DSG2: variants seen among roughly 807,000 people sequenced by gnomAD.
DSG2 encodes desmoglein-2.
Under a neutral mutation model 75.6 loss-of-function variants are expected in DSG2, and 45 were observed. The observed-to-expected ratio is 0.60, with a 90% confidence interval of 0.47 to 0.76. The LOEUF is 0.76. Ranked by LOEUF, DSG2 falls within the 30% of genes least tolerant of loss-of-function variation. The pLI is 0.00. For missense variants in DSG2, 1,267 were observed against 1,357.4 expected, an observed-to-expected ratio of 0.93 and a Z score of 1.05; for synonymous variants, 429 against 483.9, an observed-to-expected ratio of 0.89 and a Z score of 1.49.
chr18:31,514,642 T>C (rs573257043), intron 1 of DSG2, among the ~76,000 whole-genome samples: 2 of 152,334 alleles, frequency 1.3e-5, no homozygotes, highest in South Asian at 2.1e-4. Context: ...ACAACATTGC[T>C]ATCATCTGAA....
intron 1 of DSG2, among the ~76,000 whole-genome samples, chr18:31,506,718 A>T (rs1473092032): frequency 6.6e-6 from 1 of 152,226 alleles, no homozygotes; most frequent in Non-Finnish European, 1.5e-5. Flanking sequence ...GAAGTCTGTT[A>T]TACAGCTTTA....
intron 1 of DSG2, among the ~76,000 whole-genome samples, chr18:31,514,457 T>C (rs2073083020): frequency 6.6e-6 from 1 of 152,222 alleles, no homozygotes; most frequent in South Asian, 2.1e-4. Flanking sequence ...ATATATTTTA[T>C]GAGTTTCTGC....
At chr18:31,533,792 G>A (rs1383032812) in intron 9 of DSG2, among the ~76,000 whole-genome samples, 1 of 152,058 alleles carries the variant, frequency 6.6e-6, no homozygotes, top group African/African-American at 2.4e-5. Context: ...TAGTTCAAGT[G>A]TATAATTGGA....
intron 6 of DSG2, among the ~76,000 whole-genome samples, 187 bp from the exon 7 acceptor site, chr18:31,524,261 G>A (rs2073147208): frequency 6.6e-6 from 1 of 152,186 alleles, no homozygotes; most frequent in Non-Finnish European, 1.5e-5. Context: ...AACTCCCGAG[G>A]CTTTTCTGTT....
At chr18:31,538,470 CCAGTGTATAGAA>C (rs1299122458) in intron 11 of DSG2, among the ~76,000 whole-genome samples, 1 of 151,966 alleles carries the variant, frequency 6.6e-6, no homozygotes, top group African/African-American at 2.4e-5. Context: ...CACTGTATTC[CCAGTGTATAGAA>C]CAGTTCCTAG....
At chr18:31,519,329 G>A (rs556736002) in intron 2 of DSG2, among the ~76,000 whole-genome samples, 76 of 152,214 alleles carry the variant, frequency 5.0e-4, no homozygotes, top group Admixed American at 2.7e-3. Context: ...GACTGAGGCG[G>A]GCGGATTGCT....
intron 9 of DSG2, among the ~76,000 whole-genome samples, chr18:31,533,888 TTTGA>T (rs2073212341): frequency 1.3e-5 from 2 of 152,314 alleles, no homozygotes; most frequent in Admixed American, 1.3e-4. Flanking sequence ...AAATTAACAA[TTTGA>T]TTGAGCAAAC....
intron 1 of DSG2, among the ~76,000 whole-genome samples, chr18:31,509,490 A>G (rs1489335294): frequency 6.6e-6 from 1 of 151,974 alleles, no homozygotes; most frequent in African/African-American, 2.4e-5. Flanking sequence ...TCAGCTGTTG[A>G]GTGAGACTGC....
intron 1 of DSG2, among the ~76,000 whole-genome samples, chr18:31,501,673 C>T (rs1003541576): frequency 1.3e-5 from 2 of 152,188 alleles, no homozygotes; most frequent in Non-Finnish European, 2.9e-5. Context: ...CATCTTCCCT[C>T]TGTGCATGTC....
intron 8 of DSG2, among the ~76,000 whole-genome samples, chr18:31,528,530 G>A (rs944816972): frequency 6.6e-6 from 1 of 152,000 alleles, no homozygotes; most frequent in Non-Finnish European, 1.5e-5. Flanking sequence ...TGGGCAACAT[G>A]GTGAAACCCT....
chr18:31,539,129 G>T lies in DSG2; in HGVS notation c.1879+151G>T, dbSNP rs2073250668. 13 of 771,778 alleles carry T rather than the reference G, an allele frequency of 1.7e-5. No homozygotes were observed. In the South Asian group the frequency reaches 1.9e-4, roughly 11 times the overall value. 47.8% of individuals were successfully genotyped at this position (771,778 alleles called of 1,614,324 possible). On this transcript the variant is annotated intron_variant, in intron 12 of 14. Transcript: ENST00000261590. ...TGAATAGGGAAACAACTGATGATTG[G>T]CAAATCACCAAAGCATAATATAAGA...
At chr18:31,504,138 C>T (rs1198139420) in intron 1 of DSG2, among the ~76,000 whole-genome samples, 2 of 152,156 alleles carry the variant, frequency 1.3e-5, no homozygotes, top group South Asian at 2.1e-4. Context: ...CCAGGTCTCA[C>T]CTCGAAATCA....
rs794728098 is a variant in DSG2, at chr18:31,545,753, TCA to T, written c.2372_2373del (p.Thr791SerfsTer14). ...AASYTEEDENHTAKDCLLVYS... is the reference protein window; with the variant it reads ...AASYTEEDENXTAKDCLLVYS... ...CCTCTTACACTGAGGAAGATGAAAA[TCA>T]CACAGCCAAAGATTGCCTTCTGGTT... On this transcript the variant is annotated frameshift_variant, in exon 15 of 15. Coordinates refer to ENST00000261590, the MANE Select transcript of DSG2 (RefSeq NM_001943.5). LOFTEE classifies it low-confidence loss of function (END_TRUNC). 1.2e-6 allele frequency: 2 copies of T among 1,614,106 alleles called. No homozygotes were observed. Among genetic ancestry groups the T allele is most frequent in the Non-Finnish European group, 1.7e-6 (2 of 1,180,024 alleles).
At position 31,535,361 on chromosome 18, in the gene DSG2, A is replaced by G; in HGVS notation, c.1372A>G (p.Arg458Gly). 6.2e-7 allele frequency: 1 copy of G among 1,611,846 alleles called. No homozygotes were observed. The highest frequency in any genetic ancestry group is 8.5e-7 in the Non-Finnish European group (1 of 1,178,332). The change falls in exon 10 of 15, where the codon AGA becomes GGA. Residue 458 changes from arginine (R) to glycine (G), a missense_variant. Arg to Gly is a moderately radical substitution (Grantham distance 125, BLOSUM62 -2). Transcript: ENST00000261590. Reference protein sequence around the residue: ...KLAKLPDFESRYVQNGTYTVK... With the variant: ...KLAKLPDFESGYVQNGTYTVK... ...TGCAAAACTTCCTGATTTTGAATCT[A>G]GATATGTTCAAAATGGCACATACAC...
chr18:31,519,041 T>C (rs913713378), intron 2 of DSG2, among the ~76,000 whole-genome samples: 37 of 152,208 alleles, frequency 2.4e-4, no homozygotes, highest in African/African-American at 8.7e-4. Flanking sequence ...TTAGTCAAGT[T>C]TATATCAATA....
chr18:31,530,130 G>A (rs1447138079), intron 8 of DSG2, among the ~76,000 whole-genome samples: 7 of 152,084 alleles, frequency 4.6e-5, no homozygotes, highest in Non-Finnish European at 4.4e-5. Context: ...ATATTAATAG[G>A]TATTATGCTA....
In DSG2 at chr18:31,503,754, T is replaced by C. The variant is rs562154966; in HGVS notation, c.45+5458T>C. Among the ~76,000 whole-genome samples, 36 of 152,092 alleles carry C rather than the reference T, an allele frequency of 2.4e-4. 2 individuals carry two copies. The East Asian group carries it at 7.0e-3, about 29-fold the overall frequency. On this transcript the variant is annotated intron_variant, in intron 1 of 14. Transcript: ENST00000261590. ...GCAGAAAAGCCCAGAGACCATGGGG[T>C]ACCTGGGAGGGAGAAGCAGCCTGAC...
At position 31,536,837 on chromosome 18, in the gene DSG2, T is replaced by C. The variant is rs77137292; in HGVS notation, c.1651+408T>C. On this transcript the variant is annotated intron_variant, in intron 11 of 14. Coordinates refer to ENST00000261590, the MANE Select transcript of DSG2 (RefSeq NM_001943.5). ...CCACCCTATGTATTACCATATTTAA[T>C]CCTTCCTTCAACATTATTCCCTGAT... Among the ~76,000 whole-genome samples the C allele has an allele frequency of 1.2e-3, 181 of 152,352 alleles. 2 individuals are homozygous for C. In the East Asian group the frequency reaches 0.034, roughly 29 times the overall value.
rs185473038 is a variant in DSG2, at chr18:31,546,522, G to A, written c.3136G>A (p.Val1046Met). The change falls in exon 15 of 15, where the codon GTG becomes ATG. Residue 1046 changes from valine to methionine, a missense_variant. Transcript: ENST00000261590. ...PNIAVGQNVT[V>M]TERVLAPAST... ...TATAGCAGTAGGACAGAATGTGACA[G>A]TGACAGAAAGAGTTCTAGCACCTGC... 3 of 1,614,226 alleles carry A rather than the reference G, an allele frequency of 1.9e-6. No individual in the cohort carries two copies. Among genetic ancestry groups the A allele is most frequent in the Admixed American group, 3.3e-5 (2 of 60,034 alleles).
Sources: allele counts gnomAD v4.1 joint callset (sites outside exome capture counted in the v4.1 genomes callset), GRCh38; gene constraint gnomAD v4.1.1; transcripts MANE v1.5; gene names NCBI Gene and HGNC (gene_info 2026-07-23, HGNC 2026-07-21).